Variants in IL23R observed in about 807,000 individuals in gnomAD.
IL23R encodes interleukin-23 receptor.
In IL23R, 34 loss-of-function variants were observed where a neutral mutation model predicts 56.9. That is an observed-to-expected ratio of 0.60 (90% CI 0.45 to 0.80). IL23R has a LOEUF of 0.80. Ranked by LOEUF, IL23R falls within the 30% of genes least tolerant of loss-of-function variation. The pLI is 0.00. For synonymous variants in IL23R, 230 were observed against 249.2 expected, an observed-to-expected ratio of 0.92 and a Z score of 0.73; for missense variants, 635 against 730.0, an observed-to-expected ratio of 0.87 and a Z score of 1.50.
intron 3 of IL23R, among the ~76,000 whole-genome samples, chr1:67,178,935 G>A (rs1461368128): frequency 6.6e-6 from 1 of 152,180 alleles, no homozygotes; most frequent in Non-Finnish European, 1.5e-5. Flanking sequence ...ATTTGCATAT[G>A]TTGAACCAGC....
At position 67,258,608 on chromosome 1, in the gene IL23R, C is replaced by T. The variant is rs558942258; in HGVS notation, c.1370C>T (p.Pro457Leu). The change falls in exon 11 of 11, where the codon CCC becomes CTC. Residue 457 changes from proline to leucine, a missense_variant. Physicochemically the swap from Pro to Leu is moderately conservative, Grantham distance 98. Coordinates refer to ENST00000347310, the MANE Select transcript of IL23R (RefSeq NM_144701.3). ...GACTACAAGAAGGAGAATACAGGACCCCTGGAGACAAGAGACTACCCGCAA... is the reference window on the plus strand; with the variant it reads ...GACTACAAGAAGGAGAATACAGGACTCCTGGAGACAAGAGACTACCCGCAA... Reference protein sequence around the residue: ...PTDYKKENTGPLETRDYPQNS... With the variant: ...PTDYKKENTGLLETRDYPQNS... 1 of 1,613,642 alleles carries T rather than the reference C, an allele frequency of 6.2e-7. No individual in the cohort carries two copies. Among genetic ancestry groups the T allele is most frequent in the African/African-American group, 1.3e-5 (1 of 74,984 alleles).
intron 4 of IL23R, among the ~76,000 whole-genome samples, chr1:67,195,155 C>T (rs1389939092): frequency 6.6e-6 from 1 of 152,154 alleles, no homozygotes; most frequent in African/African-American, 2.4e-5. Context: ...TCCTCAGCTT[C>T]CTGAGTAGCT....
intron 7 of IL23R, among the ~76,000 whole-genome samples, chr1:67,234,718 T>C (rs945675478): frequency 2.0e-5 from 3 of 147,512 alleles, no homozygotes; most frequent in African/African-American, 7.5e-5. Flanking sequence ...TTTTTTTTTT[T>C]TTTTTTTGAG....
downstream of IL23R, among the ~76,000 whole-genome samples, chr1:67,262,862 A>G (rs145211861): frequency 6.6e-6 from 1 of 152,208 alleles, no homozygotes; most frequent in South Asian, 2.1e-4. Flanking sequence ...GAAGAGAAAT[A>G]CAAAGAAAGG....
intron 9 of IL23R, among the ~76,000 whole-genome samples, chr1:67,253,007 T>C (rs1258047569): frequency 6.6e-6 from 1 of 152,146 alleles, no homozygotes; most frequent in Non-Finnish European, 1.5e-5. Flanking sequence ...AGGTTTTCAC[T>C]CTTGTCTGCC....
chr1:67,157,576 G>C (rs1646780174), intron 1 of IL23R, among the ~76,000 whole-genome samples: 1 of 151,990 alleles, frequency 6.6e-6, no homozygotes. Flanking sequence ...TCCCACACCG[G>C]CCTCCATACT....
At chr1:67,248,854 T>C (rs1273777574) in intron 9 of IL23R, among the ~76,000 whole-genome samples, 1 of 152,164 alleles carries the variant, frequency 6.6e-6, no homozygotes, top group Non-Finnish European at 1.5e-5. Context: ...GCACAGTATC[T>C]GGGCCAGAGT....
intron 1 of IL23R, among the ~76,000 whole-genome samples, chr1:67,156,145 C>A (rs1208906598): frequency 1.3e-5 from 2 of 152,138 alleles, no homozygotes; most frequent in Non-Finnish European, 2.9e-5. Context: ...AAAGATTGCT[C>A]CCTGTTCCTT....
At chr1:67,148,829 C>T (rs992386038) in intron 1 of IL23R, among the ~76,000 whole-genome samples, 1 of 152,126 alleles carries the variant, frequency 6.6e-6, no homozygotes, top group Non-Finnish European at 1.5e-5. Flanking sequence ...AGTGTTAGAA[C>T]GGCTCTGAAC....
chr1:67,227,940 ATCTT>A (rs746969384), intron 7 of IL23R, among the ~76,000 whole-genome samples: 1,118 of 37,036 alleles, frequency 0.03, 44 homozygotes, highest in South Asian at 0.081. Context: ...CAGAACAAAG[ATCTT>A]TCTTTCTTTC....
intron 1 of IL23R, among the ~76,000 whole-genome samples, chr1:67,151,458 A>T (rs1338004356): frequency 2.6e-5 from 4 of 152,112 alleles, no homozygotes; most frequent in Admixed American, 6.5e-5. Flanking sequence ...GTTTAATTAG[A>T]TCCCATTTGT....
At chr1:67,238,298 C>T (rs1342331836) in intron 8 of IL23R, among the ~76,000 whole-genome samples, 1 of 146,616 alleles carries the variant, frequency 6.8e-6, no homozygotes, top group Non-Finnish European at 1.5e-5. Context: ...CAGTGAGCTC[C>T]ACTGCATTCC....
At chr1:67,244,065 G>C (rs377187056) in intron 9 of IL23R, among the ~76,000 whole-genome samples, 3 of 152,148 alleles carry the variant, frequency 2.0e-5, no homozygotes, top group Non-Finnish European at 2.9e-5. Flanking sequence ...GACTAGTGAT[G>C]ACGAGCTTTT....
At chr1:67,199,277 T>C (rs1281424782) in intron 4 of IL23R, among the ~76,000 whole-genome samples, 2 of 152,158 alleles carry the variant, frequency 1.3e-5, no homozygotes, top group Non-Finnish European at 2.9e-5. Flanking sequence ...TCATGTTATT[T>C]CACGTATTTG....
chr1:67,260,860 T>C (rs986970118), downstream of IL23R, among the ~76,000 whole-genome samples: 1 of 152,180 alleles, frequency 6.6e-6, no homozygotes, highest in Non-Finnish European at 1.5e-5. Flanking sequence ...TCAATGATCA[T>C]GTGCCAGAGC....
intron 4 of IL23R, among the ~76,000 whole-genome samples, chr1:67,188,043 C>G (rs1647472698): frequency 6.6e-6 from 1 of 152,070 alleles, no homozygotes; most frequent in Admixed American, 6.5e-5. Flanking sequence ...CAGAGTGAGA[C>G]TCCATCTCAA....
Position 67,181,595 on chromosome 1 carries a change from G to A in IL23R, c.368-1241G>A, listed in dbSNP as rs577008349. On this transcript the variant is annotated intron_variant, in intron 3 of 10. Coordinates refer to ENST00000347310, the MANE Select transcript of IL23R (RefSeq NM_144701.3). ...GGGTTCAAACTTCCTCCTTTAGCTC[G>A]GAGAAGTTTGATCTTCTGAAGCCTT... 6.6e-5 allele frequency among the ~76,000 whole-genome samples: 10 copies of A among 152,192 alleles called. No individual in the cohort carries two copies. The East Asian group carries it at 7.7e-4, about 12-fold the overall frequency.
At chr1:67,173,070 G>C (rs1057274194) in intron 3 of IL23R, among the ~76,000 whole-genome samples, 1 of 152,072 alleles carries the variant, frequency 6.6e-6, no homozygotes, top group South Asian at 2.1e-4. Flanking sequence ...CCAATAATAG[G>C]GGAGGGGTGG....
intron 6 of IL23R, among the ~76,000 whole-genome samples, chr1:67,218,888 C>T (rs1166545658): frequency 6.6e-6 from 1 of 151,482 alleles, no homozygotes; most frequent in Non-Finnish European, 1.5e-5. Flanking sequence ...AGCCACTGCA[C>T]TCCACAGTCC....
Sources: gnomAD v4.1 joint callset for allele counts (sites outside exome capture counted in the v4.1 genomes callset) on GRCh38, gnomAD v4.1.1 for gene constraint, MANE v1.5 for transcripts, NCBI Gene and HGNC (gene_info 2026-07-23, HGNC 2026-07-21) for gene names.